The following AP3B1 variants were observed in gnomAD, a reference collection of about 807,000 sequenced individuals.
The protein encoded by AP3B1 is AP-3 complex subunit beta-1.
Under a neutral mutation model 132.5 loss-of-function variants are expected in AP3B1, and 61 were observed. The ratio of observed to expected loss-of-function variants is 0.46; its 90% CI spans 0.37 to 0.57. The LOEUF is 0.57. Ranked by LOEUF, AP3B1 falls within the 20% of genes least tolerant of loss-of-function variation. The pLI is 0.00. For missense variants in AP3B1, 1,120 were observed against 1,289.4 expected (o/e 0.87, Z 2.01); for synonymous variants, 388 against 438.3 (o/e 0.89, Z 1.43).
intron 17 of AP3B1, among the ~76,000 whole-genome samples, chr5:78,125,982 ATGCTT>A (rs1752437940): frequency 6.6e-6 from 1 of 151,656 alleles, no homozygotes; most frequent in Admixed American, 6.6e-5. Context: ...TGAGAAGATA[ATGCTT>A]TTTGGTGGGT....
At chr5:78,048,059 G>C (rs775330286) in intron 22 of AP3B1, among the ~76,000 whole-genome samples, 6 of 152,204 alleles carry the variant, frequency 3.9e-5, no homozygotes, top group Non-Finnish European at 8.8e-5. Flanking sequence ...AAACTTTTTG[G>C]AATCTGCGCA....
At chr5:78,225,748 A>C (rs538754855) in intron 5 of AP3B1, 140 bp from the exon 6 acceptor site, 1 of 583,450 alleles carries the variant, frequency 1.7e-6, no homozygotes, top group South Asian at 2.2e-5. Flanking sequence ...AGAAAAACAA[A>C]TAAAATGGGA....
At chr5:78,190,706 TATAAAGATTGAATC>T (rs1231090610) in intron 7 of AP3B1, among the ~76,000 whole-genome samples, 4 of 152,226 alleles carry the variant, frequency 2.6e-5, no homozygotes, top group African/African-American at 9.6e-5. Flanking sequence ...TTATAGTGTT[TATAAAGATTGAATC>T]AGTTTATTGA....
chr5:78,285,459 T>C (rs1251565226), intron 1 of AP3B1, among the ~76,000 whole-genome samples: 1 of 152,134 alleles, frequency 6.6e-6, no homozygotes, highest in Non-Finnish European at 1.5e-5. Flanking sequence ...GTCCCAGGAC[T>C]GACTGACTCT....
At chr5:78,221,005 C>T (rs1285668158) in intron 6 of AP3B1, among the ~76,000 whole-genome samples, 2 of 152,140 alleles carry the variant, frequency 1.3e-5, no homozygotes, top group South Asian at 2.1e-4. Context: ...GCCATGATCA[C>T]ACCACTGCAC....
At chr5:78,276,376 CTTTG>C (rs1415085314) in intron 1 of AP3B1, among the ~76,000 whole-genome samples, 2 of 152,122 alleles carry the variant, frequency 1.3e-5, no homozygotes, top group Non-Finnish European at 2.9e-5. Context: ...CTGCAACATA[CTTTG>C]TGATTTGACA....
At chr5:78,238,518 T>C (rs573093293) in intron 3 of AP3B1, among the ~76,000 whole-genome samples, 9 of 152,254 alleles carry the variant, frequency 5.9e-5, no homozygotes, top group African/African-American at 2.2e-4. Context: ...GGACTACTGA[T>C]ATAGCCTATT....
chr5:78,132,756 A>T (rs1752743488), intron 15 of AP3B1, among the ~76,000 whole-genome samples: 1 of 152,184 alleles, frequency 6.6e-6, no homozygotes, highest in African/African-American at 2.4e-5. Flanking sequence ...TGTGTGGTCA[A>T]TGAGATCACC....
intron 19 of AP3B1, among the ~76,000 whole-genome samples, 178 bp from the exon 20 acceptor site, chr5:78,110,532 A>C (rs1035253656): frequency 2.0e-5 from 3 of 152,172 alleles, no homozygotes; most frequent in Non-Finnish European, 4.4e-5. Context: ...CAAATTTCAA[A>C]TGCAAAAAGT....
intron 25 of AP3B1, among the ~76,000 whole-genome samples, chr5:78,017,879 T>C (rs899653068): frequency 3.3e-5 from 5 of 152,036 alleles, no homozygotes; most frequent in Admixed American, 3.3e-4. Flanking sequence ...AGGCAGTAGA[T>C]AGCACTTACT....
intron 2 of AP3B1, among the ~76,000 whole-genome samples, chr5:78,250,750 G>A (rs1478541119): frequency 6.6e-6 from 1 of 152,110 alleles, no homozygotes; most frequent in African/African-American, 2.4e-5. Flanking sequence ...CATATTCTTA[G>A]TGAGATTTGA....
intron 22 of AP3B1, among the ~76,000 whole-genome samples, chr5:78,062,890 C>G (rs1749117744): frequency 6.6e-6 from 1 of 152,018 alleles, no homozygotes; most frequent in Admixed American, 6.6e-5. Context: ...CTGATGGGCA[C>G]CAAATGAACA....
At chr5:78,257,301 T>A (rs1353424559) in intron 2 of AP3B1, among the ~76,000 whole-genome samples, 1 of 152,144 alleles carries the variant, frequency 6.6e-6, no homozygotes, top group East Asian at 1.9e-4. Flanking sequence ...CTATTAGAAC[T>A]GATAAACAAA....
At chr5:78,264,722 G>A (rs1748247540) in intron 2 of AP3B1, among the ~76,000 whole-genome samples, 3 of 152,306 alleles carry the variant, frequency 2.0e-5, no homozygotes, top group Non-Finnish European at 2.9e-5. Flanking sequence ...GAAAGAACAA[G>A]GGATAAACAG....
At chr5:78,123,328 A>C (rs1292650351) in intron 17 of AP3B1, among the ~76,000 whole-genome samples, 2 of 152,242 alleles carry the variant, frequency 1.3e-5, no homozygotes, top group African/African-American at 4.8e-5. Flanking sequence ...AATGGTAACA[A>C]AAGCCAAAAT....
chr5:78,089,228 TGAGTAA>T, intron 22 of AP3B1, 159 bp downstream of exon 22: 1 of 594,248 alleles, frequency 1.7e-6, no homozygotes, highest in Admixed American at 3.0e-5. Context: ...GATAATGGTT[TGAGTAA>T]ATTATTTAAA....
At chr5:78,140,286 T>C (rs1280580946) in intron 15 of AP3B1, among the ~76,000 whole-genome samples, 1 of 152,162 alleles carries the variant, frequency 6.6e-6, no homozygotes, top group Admixed American at 6.5e-5. Context: ...ACAAGGTCCA[T>C]ACTACTTAGC....
intron 2 of AP3B1, among the ~76,000 whole-genome samples, chr5:78,247,115 A>G (rs2112529055): frequency 6.6e-6 from 1 of 151,824 alleles, no homozygotes; most frequent in South Asian, 2.1e-4. Context: ...TAATTTTCAA[A>G]TATTTTAAAA....
chr5:78,033,692 T>G (rs1399056835), intron 24 of AP3B1, among the ~76,000 whole-genome samples: 1 of 152,018 alleles, frequency 6.6e-6, no homozygotes, highest in East Asian at 1.9e-4. Flanking sequence ...GATGCATGAA[T>G]ACGGCTTTGT....
Sources: gnomAD v4.1 joint callset for allele counts (sites outside exome capture counted in the v4.1 genomes callset) on GRCh38, gnomAD v4.1.1 for gene constraint, MANE v1.5 for transcripts, NCBI Gene and HGNC (gene_info 2026-07-23, HGNC 2026-07-21) for gene names.